Variants in PPFIA2 observed in about 807,000 individuals in gnomAD.
The protein encoded by PPFIA2 is PPFI scaffold protein A2.
A neutral mutation model predicts 175.5 loss-of-function variants in PPFIA2; 46 were observed. That is an observed-to-expected ratio of 0.26 (90% CI 0.21 to 0.34). The LOEUF (loss-of-function observed/expected upper bound fraction) is 0.34, where lower values mean the gene tolerates loss of function less well. PPFIA2 is among the 10% of genes least tolerant of loss of function. The pLI is 1.00. For synonymous variants in PPFIA2, 568 were observed against 511.4 expected (o/e 1.11, Z -1.49); for missense variants, 1,179 against 1,506.1 (o/e 0.78, Z 3.60).
intron 4 of PPFIA2, among the ~76,000 whole-genome samples, chr12:81,479,948 TG>T: frequency 6.6e-6 from 1 of 152,312 alleles, no homozygotes; most frequent in South Asian, 2.1e-4. Context: ...TTTGAATGTT[TG>T]GCCTGTCTTG....
intron 21 of PPFIA2, among the ~76,000 whole-genome samples, chr12:81,326,247 C>T (rs2054731979): frequency 2.0e-5 from 3 of 152,090 alleles, no homozygotes; most frequent in East Asian, 1.9e-4. Context: ...TTTTTCAACA[C>T]GTTAAGTATT....
chr12:81,701,306 G>A (rs376710572), intron 3 of PPFIA2, among the ~76,000 whole-genome samples: 1 of 152,118 alleles, frequency 6.6e-6, no homozygotes, highest in Non-Finnish European at 1.5e-5. Flanking sequence ...CATTACAGGT[G>A]GGAAGTTGAC....
At chr12:81,404,840 G>A (rs984734893) in intron 8 of PPFIA2, among the ~76,000 whole-genome samples, 2 of 152,142 alleles carry the variant, frequency 1.3e-5, no homozygotes, top group African/African-American at 4.8e-5. Flanking sequence ...GAATTCTAGT[G>A]CTATTTATTG....
chr12:81,643,266 T>C (rs1238889955), intron 4 of PPFIA2, among the ~76,000 whole-genome samples: 3 of 151,726 alleles, frequency 2.0e-5, no homozygotes, highest in Admixed American at 6.6e-5. Flanking sequence ...CTCTGAAGGA[T>C]AGGTTTTCAA....
chr12:81,262,305 C>T (rs549260926), intron 31 of PPFIA2, among the ~76,000 whole-genome samples: 6 of 152,212 alleles, frequency 3.9e-5, no homozygotes, highest in African/African-American at 1.2e-4. Context: ...GAGGGTGCTT[C>T]TGATTTTGAT....
intron 7 of PPFIA2, among the ~76,000 whole-genome samples, chr12:81,420,303 A>G (rs2046020289): frequency 6.6e-6 from 1 of 152,176 alleles, no homozygotes; most frequent in Non-Finnish European, 1.5e-5. Flanking sequence ...CAAAAGGAAC[A>G]CAATAATTTT....
At chr12:81,344,856 G>A (rs1246954773) in intron 18 of PPFIA2, 163 bp from the exon 19 acceptor site, 19 of 525,382 alleles carry the variant, frequency 3.6e-5, no homozygotes, top group Non-Finnish European at 1.0e-5. Flanking sequence ...AAAGCACTCC[G>A]CCTGGTAGTT....
intron 13 of PPFIA2, 132 bp from the exon 14 acceptor site, chr12:81,367,302 T>C (rs2141399984): frequency 1.6e-6 from 1 of 609,470 alleles, no homozygotes; most frequent in East Asian, 4.2e-5. Context: ...TTGGTTTCCA[T>C]GGAAACCATG....
intron 4 of PPFIA2, among the ~76,000 whole-genome samples, chr12:81,584,996 A>ATT (rs539247653): frequency 4.0e-4 from 6 of 15,152 alleles, no homozygotes; most frequent in African/African-American, 7.4e-4. Context: ...ATTTATATAT[A>ATT]ATATATTAAT....
chr12:81,493,892 G>A (rs1005247530), intron 4 of PPFIA2, among the ~76,000 whole-genome samples: 1 of 150,456 alleles, frequency 6.6e-6, no homozygotes, highest in Non-Finnish European at 1.5e-5. Context: ...AAGAAGCAGA[G>A]TCAATAAGAA....
chr12:81,334,590 G>A (rs1349419320), intron 21 of PPFIA2, among the ~76,000 whole-genome samples: 1 of 151,808 alleles, frequency 6.6e-6, no homozygotes, highest in Non-Finnish European at 1.5e-5. Context: ...TAAACAGATA[G>A]AAACAAAAAT....
At chr12:81,702,165 C>A (rs2076567689) in intron 3 of PPFIA2, among the ~76,000 whole-genome samples, 1 of 151,310 alleles carries the variant, frequency 6.6e-6, no homozygotes, top group Non-Finnish European at 1.5e-5. Flanking sequence ...CCTACCCCCA[C>A]CATCAATGAC....
chr12:81,534,099 T>C (rs923791392), intron 4 of PPFIA2, among the ~76,000 whole-genome samples: 8 of 151,582 alleles, frequency 5.3e-5, no homozygotes, highest in Admixed American at 1.3e-4. Flanking sequence ...CTCACTCATA[T>C]GTGTGAGCTA....
intron 3 of PPFIA2, among the ~76,000 whole-genome samples, chr12:81,710,060 A>C (rs555601946): frequency 2.0e-5 from 3 of 152,102 alleles, no homozygotes; most frequent in Non-Finnish European, 4.4e-5. Flanking sequence ...CTATTCTTCT[A>C]CTGGAAAGTT....
At chr12:81,738,710 C>T (rs1310650752) in intron 3 of PPFIA2, among the ~76,000 whole-genome samples, 1 of 151,258 alleles carries the variant, frequency 6.6e-6, no homozygotes, top group African/African-American at 2.4e-5. Flanking sequence ...ATAGAAATCC[C>T]TTGGTAAAAT....
intron 24 of PPFIA2, among the ~76,000 whole-genome samples, chr12:81,293,532 T>C (rs1372785569): frequency 2.6e-5 from 4 of 151,752 alleles, no homozygotes; most frequent in Non-Finnish European, 5.9e-5. Flanking sequence ...CCAACAAACA[T>C]ATAAAAAAGC....
chr12:81,737,360 C>A (rs1296958364), intron 3 of PPFIA2, among the ~76,000 whole-genome samples: 2 of 151,882 alleles, frequency 1.3e-5, no homozygotes, highest in Non-Finnish European at 2.9e-5. Flanking sequence ...AAGAAATAAT[C>A]CCTGGATGAC....
At chr12:81,495,817 A>C (rs2059967722) in intron 4 of PPFIA2, among the ~76,000 whole-genome samples, 1 of 152,188 alleles carries the variant, frequency 6.6e-6, no homozygotes, top group African/African-American at 2.4e-5. Flanking sequence ...CCTGTTTCCA[A>C]AACAAAACAA....
chr12:81,702,161 C>T (rs1212554532), intron 3 of PPFIA2, among the ~76,000 whole-genome samples: 2 of 151,254 alleles, frequency 1.3e-5, no homozygotes, highest in Non-Finnish European at 3.0e-5. Flanking sequence ...GAGACCTACC[C>T]CCACCATCAA....
Sources: allele counts gnomAD v4.1 joint callset (sites outside exome capture counted in the v4.1 genomes callset), GRCh38; gene constraint gnomAD v4.1.1; transcripts MANE v1.5; gene names NCBI Gene and HGNC (gene_info 2026-07-23, HGNC 2026-07-21).